C1QTNF6: variants seen among roughly 807,000 people sequenced by gnomAD.
The protein encoded by C1QTNF6 is complement C1q tumor necrosis factor-related protein 6.
C1QTNF6 carries 17 observed loss-of-function variants against 20.7 expected under a neutral mutation model. The observed-to-expected ratio is 0.82, with a 90% CI of 0.56 to 1.23. The LOEUF (loss-of-function observed/expected upper bound fraction) is 1.23. Among genes scored for constraint, C1QTNF6 ranks in the 50% most tolerant of loss-of-function variants. The pLI is 0.00. For missense variants in C1QTNF6, 329 were observed against 389.7 expected, an observed-to-expected ratio of 0.84 and a Z score of 1.31; for synonymous variants, 130 against 156.3, an observed-to-expected ratio of 0.83 and a Z score of 1.25.
chr22:37,184,504 G>C lies in C1QTNF6; in HGVS notation c.289+714C>G, dbSNP rs923999456. 1 of 629,914 alleles carries C rather than the reference G, an allele frequency of 1.6e-6. No individual in the cohort carries two copies. Among genetic ancestry groups the C allele is most frequent in the Admixed American group, 2.1e-5 (1 of 46,564 alleles). 39.0% of individuals were successfully genotyped at this position (629,914 alleles called of 1,614,324 possible). A position where few individuals can be genotyped will look rare whatever the true frequency, so the allele number is the denominator to read the frequency against. Reference sequence around the variant, plus strand: ...TCACCTGGATGCCTTTCACCTGGACGGGCCCTCACCTGGACAGCCCTCACC... The same window carrying C: ...TCACCTGGATGCCTTTCACCTGGACCGGCCCTCACCTGGACAGCCCTCACC... On this transcript the variant is annotated intron_variant, in intron 2 of 2. Coordinates refer to ENST00000337843, the MANE Select transcript of C1QTNF6 (RefSeq NM_031910.4). The surrounding 1 kb of genome is among the most constrained non-coding windows in gnomAD (Gnocchi z 4.0).
intron 2 of C1QTNF6, among the ~76,000 whole-genome samples, chr22:37,183,268 G>A (rs1017243877): frequency 2.0e-5 from 3 of 152,222 alleles, no homozygotes; most frequent in Admixed American, 1.3e-4. Context: ...GGCACTCCAC[G>A]GCTGGGGTCT....
Position 37,193,678 on chromosome 22 carries a change from G to A in C1QTNF6, n.224+1703C>T, listed in dbSNP as rs189810126. Reference sequence around the variant, plus strand: ...TAACAGTAACCTCCCAGGTGAAACCGGTAAGCCTTAACTAAGGTTAGCACT... The same window carrying A: ...TAACAGTAACCTCCCAGGTGAAACCAGTAAGCCTTAACTAAGGTTAGCACT... On this transcript the variant is annotated intron_variant and non_coding_transcript_variant, in intron 2 of 4. Transcript: ENST00000467564. Among the ~76,000 whole-genome samples, 485 of 152,228 alleles carry A rather than the reference G, an allele frequency of 3.2e-3. 3 individuals are homozygous for A. The highest frequency in any genetic ancestry group is 5.7e-3 in the Admixed American group (87 of 15,280).
At chr22:37,195,968 T>C (rs559153102) in intron 1 of C1QTNF6, 2 of 152,344 alleles carry the variant, frequency 1.3e-5, no homozygotes, top group East Asian at 1.9e-4. Flanking sequence ...CTGTATCTTA[T>C]GATACCAGTC....
chr22:37,193,975 G>A (rs181910924), intron 2 of C1QTNF6, among the ~76,000 whole-genome samples: 199 of 152,316 alleles, frequency 1.3e-3, no homozygotes, highest in Admixed American at 2.0e-3. Context: ...TTTCCTTCCT[G>A]GAAGGAGCCC....
At chr22:37,188,300 G>C, upstream of C1QTNF6, 1 of 1,239,704 alleles carries the variant, frequency 8.1e-7, no homozygotes, top group South Asian at 1.4e-5. Context: ...AGAGAGGAGG[G>C]GATGGAGGGA....
chr22:37,188,344 G>T, upstream of C1QTNF6: 1 of 790,578 alleles, frequency 1.3e-6, no homozygotes, highest in Non-Finnish European at 1.9e-6. Context: ...GGAGAGGGCA[G>T]AGCCGCTTCC....
At chr22:37,193,156 G>C (rs1924919139), upstream of C1QTNF6, among the ~76,000 whole-genome samples, 1 of 152,178 alleles carries the variant, frequency 6.6e-6, no homozygotes, top group Non-Finnish European at 1.5e-5. Context: ...ATCCCTAAAA[G>C]TGTATTCCCC....
chr22:37,183,599 C>A (rs543008011), intron 2 of C1QTNF6, among the ~76,000 whole-genome samples: 1 of 152,236 alleles, frequency 6.6e-6, no homozygotes, highest in South Asian at 2.1e-4. Context: ...GTCACACGAG[C>A]AACCACATCC....
At chr22:37,187,466 T>A (rs1924454319) in intron 1 of C1QTNF6, among the ~76,000 whole-genome samples, 1 of 152,130 alleles carries the variant, frequency 6.6e-6, no homozygotes, top group Non-Finnish European at 1.5e-5. Context: ...TGAACCTCTC[T>A]GGGCTTCCTG....
At chr22:37,192,981 A>T (rs745571791), upstream of C1QTNF6, among the ~76,000 whole-genome samples, 3 of 152,196 alleles carry the variant, frequency 2.0e-5, no homozygotes, top group South Asian at 2.1e-4. Flanking sequence ...TCATTTTTAT[A>T]TTGGATCCTG....
chr22:37,182,432 T>G lies in C1QTNF6; in HGVS notation c.593A>C (p.His198Pro). 2 of 1,614,242 alleles carry G rather than the reference T, an allele frequency of 1.2e-6. No homozygotes were observed. The highest frequency in any genetic ancestry group is 1.7e-6 in the Non-Finnish European group (2 of 1,180,038). Residue 198 changes from histidine to proline, a missense_variant, in exon 3 of 3, where the codon CAC (histidine) becomes CCC (proline). His to Pro is a moderately conservative substitution (Grantham distance 77). Coordinates refer to ENST00000337843, the MANE Select transcript of C1QTNF6 (RefSeq NM_031910.4). The stretch of plus-strand genomic sequence containing the variant: ...GTACGTCTCCTTGTAATTCCAGCTG[T>G]GCACATTGAGGCTGAAGAAGTAGAT... ...RGIYFFSLNV[H>P]SWNYKETYVH...
upstream of C1QTNF6, chr22:37,199,377 C>G (rs1015212568): frequency 6.6e-6 from 1 of 152,474 alleles, no homozygotes; most frequent in African/African-American, 2.4e-5. Context: ...TCTGGCCCAC[C>G]CGGGCCTCGC....
upstream of C1QTNF6, chr22:37,188,317 GC>G (rs1459196558): frequency 2.1e-6 from 2 of 955,650 alleles, no homozygotes. Context: ...GGGAGAGAGG[GC>G]GGAGGGAGGG....
chr22:37,194,632 T>C (rs993089152), intron 2 of C1QTNF6, among the ~76,000 whole-genome samples: 1 of 152,240 alleles, frequency 6.6e-6, no homozygotes, highest in Non-Finnish European at 1.5e-5. Flanking sequence ...CTCTTAATTT[T>C]GTAAGATGCT....
At position 37,184,980 on chromosome 22, in the gene C1QTNF6, G is replaced by A. The variant is rs1158832611; in HGVS notation, c.289+238C>T. On this transcript the variant is annotated intron_variant, in intron 2 of 2. Transcript: ENST00000337843. The surrounding 1 kb of genome is among the most constrained non-coding windows in gnomAD (Gnocchi z 4.0). ...ATTCCACTCCACTAACTTAGGTGAT[G>A]TGTGCCTTGCTCACAGCCCATCTCC... Among the ~76,000 whole-genome samples, 2 of 152,160 alleles carry A rather than the reference G, an allele frequency of 1.3e-5. No homozygotes were observed. Among genetic ancestry groups the A allele is most frequent in the African/African-American group, 2.4e-5 (1 of 41,432 alleles).
chr22:37,185,561 C>T (rs1478324409), intron 1 of C1QTNF6, 106 bp from the exon 2 acceptor site: 2 of 1,408,572 alleles, frequency 1.4e-6, no homozygotes, highest in Non-Finnish European at 1.8e-6. Flanking sequence ...GCACTCCTGA[C>T]CTAACTCCAG....
In C1QTNF6 at chr22:37,184,981, T is replaced by G. The variant is rs897255119; in HGVS notation, c.289+237A>C. On this transcript the variant is annotated intron_variant, in intron 2 of 2. Transcript: ENST00000337843. This position sits in a 1 kb window ranked among gnomAD's most constrained non-coding sequence, Gnocchi z 4.0. ...TTCCACTCCACTAACTTAGGTGATG[T>G]GTGCCTTGCTCACAGCCCATCTCCC... Among the ~76,000 whole-genome samples, 11 of 152,122 alleles carry G rather than the reference T, an allele frequency of 7.2e-5. No individual in the cohort carries two copies. The highest frequency in any genetic ancestry group is 2.7e-4 in the African/African-American group (11 of 41,424).
At chr22:37,198,766 C>T (rs563866398), upstream of C1QTNF6, among the ~76,000 whole-genome samples, 21 of 152,110 alleles carry the variant, frequency 1.4e-4, no homozygotes, top group Middle Eastern at 3.2e-3. Flanking sequence ...CATGCACTCG[C>T]TTCTTCCTCC....
chr22:37,184,296 T>A lies in C1QTNF6; in HGVS notation c.289+922A>T, dbSNP rs1446356089. 1.4e-6 allele frequency: 1 copy of A among 711,280 alleles called. No homozygotes were observed. Among genetic ancestry groups the A allele is most frequent in the Admixed American group, 2.0e-5 (1 of 49,858 alleles). The allele number at this position is 711,280 out of a possible 1,614,324, so 44.1% of individuals were successfully genotyped here. A position where few individuals can be genotyped will look rare whatever the true frequency, so the allele number is the denominator to read the frequency against. ...AGCTGTGTGGCCCCAGGAGACTGGG[T>A]TTCCCCATCTGCAAAGTGGGAGGAA... On this transcript the variant is annotated intron_variant, in intron 2 of 2. Coordinates refer to ENST00000337843, the MANE Select transcript of C1QTNF6 (RefSeq NM_031910.4). This position sits in a 1 kb window ranked among gnomAD's most constrained non-coding sequence, Gnocchi z 4.0.
Sources: gnomAD v4.1 joint callset for allele counts (sites outside exome capture counted in the v4.1 genomes callset) on GRCh38, gnomAD v4.1.1 for gene constraint, Gnocchi (gnomAD v3.1) non-coding constraint, MANE v1.5 for transcripts, NCBI Gene and HGNC (gene_info 2026-07-23, HGNC 2026-07-21) for gene names.